SMARCAD1: variants seen among roughly 807,000 people sequenced by gnomAD.
SMARCAD1 encodes the protein SNF2 related chromatin remodeling ATPase with DExD box 1.
A neutral mutation model predicts 127.1 loss-of-function variants in SMARCAD1; 25 were observed. The ratio of observed to expected loss-of-function variants is 0.20; its 90% CI spans 0.14 to 0.27. SMARCAD1 has a LOEUF of 0.27. Ranked by LOEUF, SMARCAD1 falls within the 10% of genes least tolerant of loss-of-function variation. The probability of loss-of-function intolerance (pLI) is 1.00; values close to 1 mark genes in which losing one functional copy is unlikely to be tolerated. For synonymous variants in SMARCAD1, 400 were observed against 396.9 expected (o/e 1.01, Z -0.09); for missense variants, 807 against 1,206.0 (o/e 0.67, Z 4.90).
At chr4:94,222,958 T>C (rs1261503635) in intron 2 of SMARCAD1, among the ~76,000 whole-genome samples, 2 of 151,914 alleles carry the variant, frequency 1.3e-5, no homozygotes, top group Admixed American at 6.6e-5. Flanking sequence ...AGCAAGACTC[T>C]GTCTCAAAAA....
chr4:94,274,832 A>G (rs775179817), intron 13 of SMARCAD1, 35 bp downstream of exon 13: 7 of 1,609,810 alleles, frequency 4.3e-6, no homozygotes, highest in Non-Finnish European at 6.0e-6. Flanking sequence ...AACTTTGGAA[A>G]TTAAAAATAA....
In SMARCAD1 at chr4:94,289,755, A is replaced by T. The variant is rs761506359; in HGVS notation, c.*221A>T. On this transcript the variant is annotated 3_prime_UTR_variant, in exon 24 of 24. Coordinates refer to ENST00000354268, the MANE Select transcript of SMARCAD1 (RefSeq NM_020159.5). The stretch of plus-strand genomic sequence containing the variant: ...AAGCCACAAATATGTAGTTCTGAAG[A>T]TGTTGAATAATCATTTTACAAAGCA... 1.9e-5 allele frequency: 12 copies of T among 640,092 alleles called. No individual in the cohort carries two copies. The highest frequency in any genetic ancestry group is 1.7e-4 in the South Asian group (11 of 65,860). The allele number at this position is 640,092 out of a possible 1,614,324, so 39.7% of individuals were successfully genotyped here.
At chr4:94,261,968 C>T (rs1751056555) in intron 9 of SMARCAD1, among the ~76,000 whole-genome samples, 1 of 152,138 alleles carries the variant, frequency 6.6e-6, no homozygotes, top group Admixed American at 6.5e-5. Context: ...TTATTTCTTC[C>T]TTGGCTTCTC....
At chr4:94,210,422 T>G (rs1276836696) in intron 2 of SMARCAD1, among the ~76,000 whole-genome samples, 1 of 152,186 alleles carries the variant, frequency 6.6e-6, no homozygotes, top group Non-Finnish European at 1.5e-5. Flanking sequence ...ATTGAAGAAC[T>G]TACAGAGTGA....
chr4:94,251,653 T>C (rs192131495), intron 8 of SMARCAD1, among the ~76,000 whole-genome samples: 4 of 152,286 alleles, frequency 2.6e-5, no homozygotes. Context: ...GGTATGATAA[T>C]CTGTGTAAGT....
At chr4:94,247,971 T>C (rs1748710120) in intron 6 of SMARCAD1, among the ~76,000 whole-genome samples, 1 of 152,158 alleles carries the variant, frequency 6.6e-6, no homozygotes, top group Non-Finnish European at 1.5e-5. Flanking sequence ...ACTCCATAGG[T>C]AGTTTTCCTT....
chr4:94,263,105 G>T (rs1751257822), intron 9 of SMARCAD1, among the ~76,000 whole-genome samples: 1 of 152,020 alleles, frequency 6.6e-6, no homozygotes, highest in Non-Finnish European at 1.5e-5. Flanking sequence ...CTTGGTAGTT[G>T]TTACGAGGAT....
chr4:94,283,902 T>A (rs1316561721), intron 22 of SMARCAD1, among the ~76,000 whole-genome samples: 1 of 152,148 alleles, frequency 6.6e-6, no homozygotes, highest in African/African-American at 2.4e-5. Flanking sequence ...TTAGATCAGT[T>A]AAGTCCCAGA....
At chr4:94,239,993 A>G (rs747896544) in intron 5 of SMARCAD1, among the ~76,000 whole-genome samples, 5 of 152,178 alleles carry the variant, frequency 3.3e-5, no homozygotes, top group East Asian at 1.9e-4. Context: ...TAGTGTTTGT[A>G]GTGACACAAA....
chr4:94,235,265 T>TTGTGGATA (rs1226072834), intron 4 of SMARCAD1, among the ~76,000 whole-genome samples: 58 of 143,914 alleles, frequency 4.0e-4, no homozygotes, highest in African/African-American at 1.4e-3. Flanking sequence ...TTTTAGCTTA[T>TTGTGGATA]TGTGGATATT....
chr4:94,216,191 C>T (rs1318165247), intron 2 of SMARCAD1, among the ~76,000 whole-genome samples: 1 of 152,120 alleles, frequency 6.6e-6, no homozygotes, highest in African/African-American at 2.4e-5. Flanking sequence ...TGCTCTGCCC[C>T]CATCACCTAA....
intron 23 of SMARCAD1, among the ~76,000 whole-genome samples, chr4:94,286,540 T>C (rs920290328): frequency 2.0e-5 from 3 of 152,158 alleles, no homozygotes; most frequent in East Asian, 1.9e-4. Flanking sequence ...AAAATCAGTT[T>C]CCATTCTTTC....
intron 9 of SMARCAD1, 58 bp downstream of exon 9, chr4:94,253,065 C>T (rs1749521954): frequency 4.4e-6 from 7 of 1,600,740 alleles, no homozygotes; most frequent in South Asian, 2.2e-5. Context: ...TTCACAGTAC[C>T]GGTTATAGTC....
intron 6 of SMARCAD1, among the ~76,000 whole-genome samples, chr4:94,246,116 CT>C (rs765392820): frequency 2.0e-3 from 282 of 139,798 alleles, no homozygotes; most frequent in East Asian, 3.7e-3. Flanking sequence ...AACTGACATT[CT>C]TTTTTTTTTT....
In SMARCAD1 at chr4:94,264,788, G is replaced by A; in HGVS notation, c.1363G>A (p.Val455Ile). The A allele has an allele frequency of 6.2e-7, 1 of 1,612,846 alleles. No homozygotes were observed. The highest frequency in any genetic ancestry group is 8.5e-7 in the Non-Finnish European group (1 of 1,179,228). ...CKTLIQERDV[V>I]IRLMNKCEDI... ...AACACTGATCCAAGAAAGAGATGTA[G>A]TTATAAGGCTTATGAACAAATGTGA... The change falls in exon 10 of 24, where the codon GTT (valine) becomes ATT (isoleucine). Residue 455 changes from valine (V) to isoleucine (I), a missense_variant. Transcript: ENST00000354268.
intron 9 of SMARCAD1, chr4:94,253,686 C>G (rs1011161454): frequency 6.0e-6 from 6 of 996,376 alleles, no homozygotes; most frequent in Non-Finnish European, 7.2e-6. Flanking sequence ...GTACACTTTG[C>G]ATGATCATTT....
intron 5 of SMARCAD1, among the ~76,000 whole-genome samples, chr4:94,239,958 AAT>A (rs1747328231): frequency 6.6e-6 from 1 of 152,154 alleles, no homozygotes; most frequent in South Asian, 2.1e-4. Flanking sequence ...TCAGACTTAA[AAT>A]ATTACATTTA....
intron 9 of SMARCAD1, among the ~76,000 whole-genome samples, chr4:94,259,738 C>T (rs1750672150): frequency 6.6e-6 from 1 of 152,186 alleles, no homozygotes; most frequent in Non-Finnish European, 1.5e-5. Context: ...TTCTTCCATA[C>T]TCTTGTCCAC....
chr4:94,275,751 C>T (rs1753167432), intron 14 of SMARCAD1, among the ~76,000 whole-genome samples: 1 of 150,934 alleles, frequency 6.6e-6, no homozygotes, highest in Non-Finnish European at 1.5e-5. Flanking sequence ...AAATTGACCT[C>T]CTCCTGGGTA....
Sources: allele counts gnomAD v4.1 joint callset (sites outside exome capture counted in the v4.1 genomes callset), GRCh38; gene constraint gnomAD v4.1.1; transcripts MANE v1.5; gene names NCBI Gene and HGNC (gene_info 2026-07-23, HGNC 2026-07-21).